LAMA2: variants seen among roughly 807,000 people sequenced by gnomAD.
LAMA2 encodes the protein laminin subunit alpha-2.
A neutral mutation model predicts 364.8 loss-of-function variants in LAMA2; 269 were observed. The ratio of observed to expected loss-of-function variants is 0.74; its 90% confidence interval spans 0.67 to 0.82. The LOEUF is 0.82. Ranked by LOEUF, LAMA2 falls within the 40% of genes least tolerant of loss-of-function variation. The pLI, the probability that LAMA2 is intolerant of heterozygous loss-of-function variation, is 0.00. For missense variants in LAMA2, 3,807 were observed against 3,873.2 expected, an observed-to-expected ratio of 0.98 and a Z score of 0.45; for synonymous variants, 1,379 against 1,370.6, an observed-to-expected ratio of 1.01 and a Z score of -0.14.
In LAMA2 at chr6:129,355,306, T is replaced by C. The variant is rs182961535; in HGVS notation, c.4717+1949T>C. Among the ~76,000 whole-genome samples the C allele has an allele frequency of 5.4e-3, 818 of 152,298 alleles. 3 individuals carry two copies. Among genetic ancestry groups the C allele is most frequent in the Non-Finnish European group, 9.6e-3 (650 of 68,012 alleles). On this transcript the variant is annotated intron_variant, in intron 32 of 64. Transcript: ENST00000421865. ...ATTGTTACACAGAGTATCTTTAGAC[T>C]TTTCATCTTTTCTCTTCTTCTAAAA...
intron 40 of LAMA2, among the ~76,000 whole-genome samples, chr6:129,420,805 A>C (rs1291016172): frequency 6.6e-6 from 1 of 152,022 alleles, no homozygotes; most frequent in African/African-American, 2.4e-5. Flanking sequence ...AGCCTGATAA[A>C]CTCTAACTTG....
intron 1 of LAMA2, among the ~76,000 whole-genome samples, chr6:128,919,329 ACTTAC>A (rs1778548472): frequency 6.6e-6 from 1 of 152,210 alleles, no homozygotes; most frequent in Non-Finnish European, 1.5e-5. Context: ...TTAATGTATA[ACTTAC>A]GTCAGTCAAT....
At chr6:129,057,382 T>C (rs553629491) in intron 2 of LAMA2, among the ~76,000 whole-genome samples, 52 of 152,312 alleles carry the variant, frequency 3.4e-4, no homozygotes, top group African/African-American at 9.1e-4. Context: ...ATTTAAATAA[T>C]TGTCCTCCAT....
intron 40 of LAMA2, among the ~76,000 whole-genome samples, chr6:129,419,324 G>A (rs541799834): frequency 2.6e-5 from 4 of 152,158 alleles, no homozygotes; most frequent in South Asian, 2.1e-4. Flanking sequence ...ATTTCTACCC[G>A]TAGGTAGAAT....
chr6:129,400,051 G>C (rs1311547599), intron 37 of LAMA2, among the ~76,000 whole-genome samples: 2 of 152,156 alleles, frequency 1.3e-5, no homozygotes, highest in Non-Finnish European at 2.9e-5. Context: ...TTATGGTTCT[G>C]GAGGCTGGGA....
intron 1 of LAMA2, among the ~76,000 whole-genome samples, chr6:129,042,759 A>G (rs974226707): frequency 1.3e-5 from 2 of 152,200 alleles, no homozygotes; most frequent in African/African-American, 4.8e-5. Flanking sequence ...TAAATGAATA[A>G]TAGAGTATCC....
chr6:129,468,048 A>C lies in LAMA2; in HGVS notation c.7300+2759A>C, dbSNP rs547015394. Reference sequence around the variant, plus strand: ...ACAGTTGGCTGATACCTTCTCATTTATAAGTCTTCTCCTTGGCTTTCAAAT... The same window carrying C: ...ACAGTTGGCTGATACCTTCTCATTTCTAAGTCTTCTCCTTGGCTTTCAAAT... On this transcript the variant is annotated intron_variant, in intron 51 of 64. Coordinates refer to ENST00000421865, the MANE Select transcript of LAMA2 (RefSeq NM_000426.4). Among the ~76,000 whole-genome samples the C allele has an allele frequency of 2.0e-5, 3 of 151,936 alleles. 1 individual carries two copies. The South Asian group carries it at 6.2e-4, about 32-fold the overall frequency.
chr6:128,947,211 A>G (rs1780535460), intron 1 of LAMA2, among the ~76,000 whole-genome samples: 1 of 152,248 alleles, frequency 6.6e-6, no homozygotes, highest in Admixed American at 6.5e-5. Context: ...AGAAAGAAAC[A>G]TAAAGAAATA....
intron 2 of LAMA2, among the ~76,000 whole-genome samples, chr6:129,055,278 G>A (rs113377756): frequency 0.27 from 40,878 of 150,816 alleles, 5,796 homozygotes; most frequent in African/African-American, 0.34. Context: ...TGCAACCTTC[G>A]CCTCCCAGGT....
chr6:129,383,087 TATTA>T (rs753589182), intron 34 of LAMA2, 31 bp from the exon 35 acceptor site: 1 of 1,539,100 alleles, frequency 6.5e-7, no homozygotes, highest in Non-Finnish European at 9.0e-7. Context: ...TCATCATCTC[TATTA>T]ATTATGTGTT....
intron 1 of LAMA2, among the ~76,000 whole-genome samples, chr6:128,908,047 T>C (rs1444542960): frequency 6.6e-5 from 10 of 151,930 alleles, no homozygotes; most frequent in Admixed American, 1.3e-4. Context: ...CAGTATTTTA[T>C]TGAGGATTTT....
At chr6:128,920,094 G>A (rs1391876015) in intron 1 of LAMA2, among the ~76,000 whole-genome samples, 1 of 151,710 alleles carries the variant, frequency 6.6e-6, no homozygotes, top group East Asian at 1.9e-4. Flanking sequence ...CCATAATGTT[G>A]TCACTGCCTA....
intron 10 of LAMA2, among the ~76,000 whole-genome samples, chr6:129,179,989 T>C (rs1780835841): frequency 6.6e-6 from 1 of 152,110 alleles, no homozygotes; most frequent in African/African-American, 2.4e-5. Flanking sequence ...ATTAATAACC[T>C]AGCATTTCAA....
At chr6:129,137,149 T>A (rs1777842241) in intron 4 of LAMA2, among the ~76,000 whole-genome samples, 1 of 152,128 alleles carries the variant, frequency 6.6e-6, no homozygotes, top group South Asian at 2.1e-4. Context: ...TGTGCACAGT[T>A]CTTGACATTT....
chr6:128,943,166 G>GTA (rs1446095703), intron 1 of LAMA2, among the ~76,000 whole-genome samples: 1 of 151,916 alleles, frequency 6.6e-6, no homozygotes, highest in African/African-American at 2.4e-5. Flanking sequence ...GTGTGTGTGT[G>GTA]TATATATATA....
intron 4 of LAMA2, among the ~76,000 whole-genome samples, chr6:129,143,154 A>C (rs2114957480): frequency 6.6e-6 from 1 of 152,138 alleles, no homozygotes; most frequent in East Asian, 1.9e-4. Flanking sequence ...TTTCTTTCAC[A>C]TAGAAAATGA....
At chr6:129,428,279 A>T (rs868392486) in intron 41 of LAMA2, among the ~76,000 whole-genome samples, 5 of 152,110 alleles carry the variant, frequency 3.3e-5, no homozygotes, top group African/African-American at 4.8e-5. Flanking sequence ...AACATTTTTT[A>T]AAAATTTAGT....
chr6:129,484,409 C>T (rs2114845399), intron 55 of LAMA2, among the ~76,000 whole-genome samples: 1 of 152,304 alleles, frequency 6.6e-6, no homozygotes, highest in South Asian at 2.1e-4. Flanking sequence ...TACAAGCCAG[C>T]AATTCCACTC....
intron 1 of LAMA2, among the ~76,000 whole-genome samples, chr6:129,013,490 A>G (rs1445444207): frequency 6.6e-6 from 1 of 152,170 alleles, no homozygotes; most frequent in Non-Finnish European, 1.5e-5. Flanking sequence ...GCAAATGGCT[A>G]GACAGCTATT....
Sources: allele counts gnomAD v4.1 joint callset (sites outside exome capture counted in the v4.1 genomes callset), GRCh38; gene constraint gnomAD v4.1.1; transcripts MANE v1.5; gene names NCBI Gene and HGNC (gene_info 2026-07-23, HGNC 2026-07-21).